The following NRG1 variants were observed in gnomAD, a reference collection of about 807,000 sequenced individuals.
The protein encoded by NRG1 is pro-neuregulin-1, membrane-bound isoform.
A neutral mutation model predicts 63.8 loss-of-function variants in NRG1; 18 were observed. The ratio of observed to expected loss-of-function variants is 0.28; its 90% CI spans 0.19 to 0.42. NRG1 has a LOEUF of 0.42. Ranked by LOEUF, NRG1 falls within the 10% of genes least tolerant of loss-of-function variation. NRG1 has a pLI of 1.00. For missense variants in NRG1, 762 were observed against 814.7 expected (o/e 0.94, Z 0.79); for synonymous variants, 302 against 301.3 (o/e 1.00, Z -0.02).
At chr8:32,455,573 T>A (rs1821497747) in intron 1 of NRG1, among the ~76,000 whole-genome samples, 1 of 152,188 alleles carries the variant, frequency 6.6e-6, no homozygotes, top group African/African-American at 2.4e-5. Context: ...CAGGCACAGC[T>A]TAAGACACAA....
At chr8:32,737,923 T>G (rs2129032791) in intron 6 of NRG1, among the ~76,000 whole-genome samples, 1 of 152,250 alleles carries the variant, frequency 6.6e-6, no homozygotes, top group Non-Finnish European at 1.5e-5. Flanking sequence ...TCAGCCCACC[T>G]TGGCTTCCCA....
intron 1 of NRG1, among the ~76,000 whole-genome samples, chr8:31,984,822 C>T (rs1218429143): frequency 6.6e-6 from 1 of 152,128 alleles, no homozygotes; most frequent in East Asian, 1.9e-4. Context: ...AGGGATCTTG[C>T]ATTGTAAGCA....
At chr8:32,331,795 A>T (rs1267859904) in intron 1 of NRG1, among the ~76,000 whole-genome samples, 1 of 152,060 alleles carries the variant, frequency 6.6e-6, no homozygotes, top group African/African-American at 2.4e-5. Flanking sequence ...CTACAGGGGG[A>T]AGCATGATGA....
chr8:31,686,791 C>G (rs4428634), intron 1 of NRG1, among the ~76,000 whole-genome samples: 32,908 of 149,908 alleles, frequency 0.22, 4,322 homozygotes, highest in East Asian at 0.59. Flanking sequence ...TTTTTTGAGA[C>G]GGAGTTTCTC....
chr8:32,316,896 G>A (rs1277587918), intron 1 of NRG1, among the ~76,000 whole-genome samples: 1 of 152,108 alleles, frequency 6.6e-6, no homozygotes, highest in Non-Finnish European at 1.5e-5. Context: ...GACCGTGTAG[G>A]CTTGTGGTGG....
At chr8:32,493,516 G>A (rs2129495168) in intron 1 of NRG1, among the ~76,000 whole-genome samples, 1 of 152,262 alleles carries the variant, frequency 6.6e-6, no homozygotes, top group African/African-American at 2.4e-5. Flanking sequence ...TAGACATCCA[G>A]TTGAAAAACC....
chr8:31,978,465 C>T (rs179129), intron 1 of NRG1, among the ~76,000 whole-genome samples: 1 of 152,018 alleles, frequency 6.6e-6, no homozygotes, highest in Non-Finnish European at 1.5e-5. Context: ...TTCTTTGGAA[C>T]CTTTATGCCA....
intron 1 of NRG1, among the ~76,000 whole-genome samples, chr8:32,498,309 A>G (rs768471497): frequency 1.3e-5 from 2 of 152,148 alleles, no homozygotes; most frequent in African/African-American, 4.8e-5. Context: ...AAGGTATATT[A>G]GTTCATTCTC....
At chr8:32,097,257 T>G (rs1011598576) in intron 1 of NRG1, among the ~76,000 whole-genome samples, 10 of 152,234 alleles carry the variant, frequency 6.6e-5, no homozygotes, top group African/African-American at 2.2e-4. Context: ...TGATGGATAT[T>G]TAGGTTACTT....
Position 31,640,236 on chromosome 8 carries a change from G to A in NRG1, c.37+805G>A. On this transcript the variant is annotated intron_variant, in intron 1 of 10. Coordinates refer to the NRG1 transcript ENST00000519301. The surrounding 1 kb of genome is among the most constrained non-coding windows in gnomAD (Gnocchi z 6.3). ...CTCAGCGCGCCGCGGTGGTGATCGA[G>A]GGAAAGGTGCACCCGCAGCGGCGGC... The A allele has an allele frequency of 7.8e-6, 9 of 1,156,674 alleles. No homozygotes were observed. The highest frequency in any genetic ancestry group is 1.6e-5 in the African/African-American group (1 of 61,218). 71.7% of individuals were successfully genotyped at this position (1,156,674 alleles called of 1,614,324 possible).
intron 1 of NRG1, among the ~76,000 whole-genome samples, chr8:31,942,523 C>A (rs879724653): frequency 6.6e-6 from 1 of 151,940 alleles, no homozygotes; most frequent in Non-Finnish European, 1.5e-5. Context: ...GCAACAAAAA[C>A]AAAGAGAAAT....
intron 1 of NRG1, among the ~76,000 whole-genome samples, chr8:31,797,436 C>T (rs1821333007): frequency 6.6e-6 from 1 of 152,116 alleles, no homozygotes; most frequent in Admixed American, 6.5e-5. Context: ...TACTCATTAT[C>T]CAGCCCCAAA....
rs909242554 is a variant in NRG1 at position 31,850,191 on chromosome 8, C to A, written c.37+210760C>A. Among the ~76,000 whole-genome samples the A allele has an allele frequency of 3.3e-5, 5 of 152,040 alleles. No individual in the cohort carries two copies. In the South Asian group the frequency reaches 6.2e-4, roughly 19 times the overall value. On this transcript the variant is annotated intron_variant, in intron 1 of 10. Coordinates refer to the NRG1 transcript ENST00000519301. ...AGCAGTATCTCTCCAAGCTGGGGGGCAGTCAGATTTTATAAGTGTAGGGTA... is the reference window on the plus strand; with the variant it reads ...AGCAGTATCTCTCCAAGCTGGGGGGAAGTCAGATTTTATAAGTGTAGGGTA...
chr8:31,699,638 A>G (rs1354493192), intron 1 of NRG1, among the ~76,000 whole-genome samples: 3 of 152,150 alleles, frequency 2.0e-5, no homozygotes, highest in Non-Finnish European at 2.9e-5. Flanking sequence ...GCTTTCAACT[A>G]CATTAATTTT....
chr8:31,991,807 A>G (rs1811141978), intron 1 of NRG1, among the ~76,000 whole-genome samples: 1 of 150,044 alleles, frequency 6.7e-6, no homozygotes, highest in Admixed American at 6.7e-5. Context: ...TCTTTCTTTC[A>G]TTTTTTTCCC....
exon 1 of NRG1, chr8:32,548,687 G>C: frequency 6.4e-7 from 1 of 1,552,594 alleles, no homozygotes; most frequent in East Asian, 2.4e-5. Context: ...ACTCGCCTGC[G>C]CCGAGAGCCG....
intron 1 of NRG1, among the ~76,000 whole-genome samples, chr8:31,723,775 C>T (rs1813152576): frequency 6.6e-6 from 1 of 152,098 alleles, no homozygotes; most frequent in Non-Finnish European, 1.5e-5. Flanking sequence ...GGTCCTATCT[C>T]TAATTTAGAA....
At chr8:32,368,002 G>T (rs902565794) in intron 1 of NRG1, among the ~76,000 whole-genome samples, 1 of 151,974 alleles carries the variant, frequency 6.6e-6, no homozygotes, top group African/African-American at 2.4e-5. Context: ...TTTATTTCTA[G>T]GTTCTCTATT....
chr8:32,385,407 TTC>T (rs1239971032), intron 1 of NRG1, among the ~76,000 whole-genome samples: 1 of 152,146 alleles, frequency 6.6e-6, no homozygotes, highest in East Asian at 1.9e-4. Flanking sequence ...TATTCATTCA[TTC>T]TCACACTGCC....
Sources: allele counts gnomAD v4.1 joint callset (sites outside exome capture counted in the v4.1 genomes callset), GRCh38; gene constraint gnomAD v4.1.1; non-coding constraint Gnocchi (gnomAD v3.1); transcripts MANE v1.5; gene names NCBI Gene and HGNC (gene_info 2026-07-23, HGNC 2026-07-21).